The following MBNL3 variants were observed in gnomAD, a reference collection of about 807,000 sequenced individuals.
MBNL3 encodes muscleblind-like protein 3.
A neutral mutation model predicts 24.5 loss-of-function variants in MBNL3; 6 were observed. That is an observed-to-expected ratio of 0.25 (90% confidence interval 0.13 to 0.48). The LOEUF (loss-of-function observed/expected upper bound fraction) is 0.48. MBNL3 is among the 20% of genes least tolerant of loss of function. The pLI, the probability that MBNL3 is intolerant of heterozygous loss-of-function variation, is 0.99. For synonymous variants in MBNL3, 100 were observed against 101.7 expected (o/e 0.98, Z 0.10); for missense variants, 230 against 293.5 (o/e 0.78, Z 1.58).
intron 1 of MBNL3, among the ~76,000 whole-genome samples, chrX:132,440,617 G>A (rs1424413151): frequency 9.4e-6 from 1 of 106,733 alleles, no homozygotes; most frequent in Non-Finnish European, 2.0e-5. Flanking sequence ...AAAGTCATCT[G>A]AAAAGATTTT....
chrX:132,460,176 A>G (rs1056870512), intron 1 of MBNL3, among the ~76,000 whole-genome samples: 4 of 111,970 alleles, frequency 3.6e-5, no homozygotes, highest in African/African-American at 1.3e-4. Context: ...ATAAAGGTAG[A>G]GTGCTTCAAG....
chrX:132,406,109 G>T, intron 3 of MBNL3, 119 bp downstream of exon 3: 1 of 838,913 alleles, frequency 1.2e-6, no homozygotes, highest in Non-Finnish European at 1.8e-6. Context: ...GCTCTGTAGT[G>T]TCAATGAACA....
chrX:132,453,979 C>T (rs1402060077), intron 1 of MBNL3, among the ~76,000 whole-genome samples: 1 of 111,593 alleles, frequency 9.0e-6, no homozygotes, highest in Admixed American at 9.5e-5. Context: ...GTAATCCCAG[C>T]TACTCAGGAG....
rs779797491 is a variant in MBNL3, at chrX:132,410,971, A to C, written c.178-4579T>G. Among the ~76,000 whole-genome samples, 8 of 112,599 alleles carry C rather than the reference A, an allele frequency of 7.1e-5. No homozygotes were observed. The South Asian group carries it at 2.9e-3, about 41-fold the overall frequency. The stretch of plus-strand genomic sequence containing the variant: ...CATTTTCTCCTCCAAATATTGTATC[A>C]TCTATAAATATTGATATAGATGCAC... On this transcript the variant is annotated intron_variant, in intron 2 of 8. Transcript: ENST00000370853.
chrX:132,481,557 T>C (rs746196574), intron 1 of MBNL3, among the ~76,000 whole-genome samples: 1 of 112,037 alleles, frequency 8.9e-6, no homozygotes, highest in African/African-American at 3.2e-5. Flanking sequence ...TCATCATCAT[T>C]GTCATCCCAC....
At chrX:132,383,752 C>A (rs1190822285) in intron 7 of MBNL3, among the ~76,000 whole-genome samples, 1 of 111,672 alleles carries the variant, frequency 9.0e-6, no homozygotes, top group Non-Finnish European at 1.9e-5. Context: ...TCTCAAGAAG[C>A]CTGTTAGTAG....
Position 132,384,695 on chromosome X carries a change from G to T in MBNL3, c.926C>A (p.Pro309Gln). 8.5e-7 allele frequency: 1 copy of T among 1,176,164 alleles called. No homozygotes were observed. Among genetic ancestry groups the T allele is most frequent in the East Asian group, 3.1e-5 (1 of 32,462 alleles). The change falls in exon 7 of 9, where the codon CCA becomes CAA. Residue 309 changes from proline to glutamine, a missense_variant. Transcript: ENST00000370853. ...TGAAGCGGGTGCCATGCACAGTATT[G>T]GCCCTGTACACCACGCAGAAAAGCG... Reference protein sequence around the residue: ...LPQPAFIPAGPILCMAPASNI... With the variant: ...LPQPAFIPAGQILCMAPASNI...
At chrX:132,383,690 C>T (rs1285168964) in intron 7 of MBNL3, among the ~76,000 whole-genome samples, 4 of 112,051 alleles carry the variant, frequency 3.6e-5, no homozygotes, top group African/African-American at 1.3e-4. Context: ...GGGTTCAGAT[C>T]TCGCTATGTT....
intron 1 of MBNL3, among the ~76,000 whole-genome samples, chrX:132,449,416 T>C (rs1945926530): frequency 9.2e-6 from 1 of 108,359 alleles, no homozygotes; most frequent in African/African-American, 3.4e-5. Context: ...CTTTTGATCT[T>C]TGTTGGTTTA....
At chrX:132,466,192 G>A (rs1946874712) in intron 1 of MBNL3, among the ~76,000 whole-genome samples, 1 of 112,253 alleles carries the variant, frequency 8.9e-6, no homozygotes, top group African/African-American at 3.2e-5. Flanking sequence ...TTCCCCCTTA[G>A]ACATAAGACA....
intron 1 of MBNL3, among the ~76,000 whole-genome samples, chrX:132,476,345 G>A (rs985987364): frequency 2.7e-5 from 3 of 111,866 alleles, no homozygotes; most frequent in African/African-American, 9.7e-5. Flanking sequence ...CAATTCTTGG[G>A]AAGAAGGGGT....
intron 3 of MBNL3, among the ~76,000 whole-genome samples, chrX:132,404,096 A>G (rs77693732): frequency 9.0e-6 from 1 of 110,611 alleles, no homozygotes; most frequent in Non-Finnish European, 1.9e-5. Context: ...GAGATCATAT[A>G]GTATTTGTTT....
In MBNL3 at chrX:132,412,491, T is replaced by A. The variant is rs193135764; in HGVS notation, c.178-6099A>T. 2.2e-3 allele frequency among the ~76,000 whole-genome samples: 252 copies of A among 112,937 alleles called. 1 individual carries two copies. Among genetic ancestry groups the A allele is most frequent in the Non-Finnish European group, 2.8e-3 (152 of 53,365 alleles). On this transcript the variant is annotated intron_variant, in intron 2 of 8. Transcript: ENST00000370853. Reference sequence around the variant, plus strand: ...AGCAGGTGGGGCCTTCTTGTGGCTCTCTAATGCATATGCCTTCTTACAAGA... The same window carrying A: ...AGCAGGTGGGGCCTTCTTGTGGCTCACTAATGCATATGCCTTCTTACAAGA...
At chrX:132,403,836 TA>T (rs1221136182) in intron 3 of MBNL3, among the ~76,000 whole-genome samples, 1 of 111,836 alleles carries the variant, frequency 8.9e-6, no homozygotes, top group African/African-American at 3.3e-5. Flanking sequence ...TTTGAAAAGA[TA>T]AATGCTCCAG....
intron 2 of MBNL3, among the ~76,000 whole-genome samples, chrX:132,421,645 C>T: frequency 8.9e-6 from 1 of 112,032 alleles, no homozygotes. Context: ...AGTCAAGAGA[C>T]ACTCTTTTAC....
At chrX:132,381,300 G>T in intron 8 of MBNL3, 1 of 692,511 alleles carries the variant, frequency 1.4e-6, no homozygotes, top group Non-Finnish European at 2.1e-6. Flanking sequence ...AAGTGCAATT[G>T]TGTAAATAAA....
At chrX:132,418,640 A>G (rs776560275) in intron 2 of MBNL3, among the ~76,000 whole-genome samples, 4 of 112,756 alleles carry the variant, frequency 3.5e-5, no homozygotes, top group Non-Finnish European at 7.5e-5. Flanking sequence ...TCCAGACACT[A>G]GTTACTAGCA....
intron 3 of MBNL3, among the ~76,000 whole-genome samples, chrX:132,400,266 CTGTT>C (rs1288770521): frequency 1.8e-5 from 2 of 111,661 alleles, no homozygotes; most frequent in Non-Finnish European, 1.9e-5. Context: ...CAAGTGTCCT[CTGTT>C]TGGCTGCAAA....
chrX:132,431,813 C>A (rs1258195158), intron 2 of MBNL3: 1 of 111,606 alleles, frequency 9.0e-6, no homozygotes, highest in African/African-American at 3.3e-5. Flanking sequence ...TTCTAATCCA[C>A]ACCACGGTAT....
Sources: allele counts gnomAD v4.1 joint callset (sites outside exome capture counted in the v4.1 genomes callset), GRCh38; gene constraint gnomAD v4.1.1; transcripts MANE v1.5; gene names NCBI Gene and HGNC (gene_info 2026-07-23, HGNC 2026-07-21).